The following XYLB variants were observed in gnomAD, a reference collection of about 807,000 sequenced individuals.
XYLB encodes the protein xylulokinase.
In XYLB, 62 loss-of-function variants were observed where a neutral mutation model predicts 78.7. The observed-to-expected ratio is 0.79, with a 90% CI of 0.64 to 0.97. The LOEUF is 0.97. Ranked by LOEUF, XYLB falls within the 50% of genes least tolerant of loss-of-function variation. The pLI is 0.00. For synonymous variants in XYLB, 245 were observed against 247.4 expected, an observed-to-expected ratio of 0.99 and a Z score of 0.09; for missense variants, 687 against 676.8, an observed-to-expected ratio of 1.02 and a Z score of -0.17.
downstream of XYLB, among the ~76,000 whole-genome samples, chr3:38,417,054 A>G (rs1708818956): frequency 6.6e-6 from 1 of 152,270 alleles, no homozygotes; most frequent in Non-Finnish European, 1.5e-5. Context: ...GACAAAAAAT[A>G]CATATAACGA....
chr3:38,378,939 A>T (rs1007286010), intron 14 of XYLB, among the ~76,000 whole-genome samples: 1 of 151,816 alleles, frequency 6.6e-6, no homozygotes, highest in Non-Finnish European at 1.5e-5. Flanking sequence ...AGCAAGACTA[A>T]TGTAACTTAT....
the XYLB span, among the ~76,000 whole-genome samples, chr3:38,447,594 C>T: frequency 6.6e-6 from 1 of 151,050 alleles, no homozygotes; most frequent in Non-Finnish European, 1.5e-5. Flanking sequence ...GCTGGGATTA[C>T]AGGCATGTGT....
chr3:38,400,863 C>G, intron 17 of XYLB, 28 bp from the exon 18 acceptor site: 4 of 1,598,562 alleles, frequency 2.5e-6, no homozygotes, highest in Non-Finnish European at 3.4e-6. Context: ...GCAACATGCA[C>G]TAATGTGAAG....
chr3:38,420,268 C>T (rs1424521203), exon 18 of XYLB, among the ~76,000 whole-genome samples: 1 of 152,196 alleles, frequency 6.6e-6, no homozygotes, highest in Non-Finnish European at 1.5e-5. Flanking sequence ...TTCTTCTCTT[C>T]AATCTGTAAG....
the XYLB span, among the ~76,000 whole-genome samples, chr3:38,432,003 G>A: frequency 1.2e-4 from 19 of 152,238 alleles, no homozygotes; most frequent in East Asian, 7.7e-4. Flanking sequence ...ACAGGCATTG[G>A]GTAAATATAA....
chr3:38,447,391 C>A, the XYLB span, among the ~76,000 whole-genome samples: 1 of 152,078 alleles, frequency 6.6e-6, no homozygotes, highest in African/African-American at 2.4e-5. Flanking sequence ...GGAGCCTTCA[C>A]CTCCTGGGCT....
intron 2 of XYLB, among the ~76,000 whole-genome samples, chr3:38,350,816 T>G (rs1705316175): frequency 6.6e-6 from 1 of 152,124 alleles, no homozygotes; most frequent in South Asian, 2.1e-4. Flanking sequence ...TTTAGTTCTC[T>G]TGAGACTTCT....
At chr3:38,353,096 CT>C (rs1705456342) in intron 2 of XYLB, among the ~76,000 whole-genome samples, 1 of 152,158 alleles carries the variant, frequency 6.6e-6, no homozygotes, top group African/African-American at 2.4e-5. Context: ...TCTTTTATTG[CT>C]TCTAGATTTT....
intron 15 of XYLB, among the ~76,000 whole-genome samples, chr3:38,389,323 A>G (rs1168067644): frequency 6.6e-6 from 1 of 150,918 alleles, no homozygotes; most frequent in Non-Finnish European, 1.5e-5. Context: ...GAACAAAATG[A>G]AAAGTCTCCC....
chr3:38,427,220 G>A, the XYLB span, among the ~76,000 whole-genome samples: 6 of 152,132 alleles, frequency 3.9e-5, no homozygotes, highest in Middle Eastern at 3.4e-3. Flanking sequence ...CTCTAGTGCC[G>A]CTTCGTTAGG....
At chr3:38,423,039 G>A (rs1416290889), downstream of XYLB, among the ~76,000 whole-genome samples, 3 of 152,076 alleles carry the variant, frequency 2.0e-5, no homozygotes, top group Admixed American at 6.6e-5. Flanking sequence ...TAGCTCTAAC[G>A]TTTCCCCCCT....
intron 18 of XYLB, among the ~76,000 whole-genome samples, chr3:38,405,385 A>C (rs1417243340): frequency 2.0e-5 from 3 of 151,114 alleles, no homozygotes; most frequent in Non-Finnish European, 4.4e-5. Context: ...AAAAAAAAAA[A>C]AAAAAAAAAG....
At chr3:38,374,069 C>A (rs899122978) in intron 10 of XYLB, among the ~76,000 whole-genome samples, 2 of 151,878 alleles carry the variant, frequency 1.3e-5, no homozygotes, top group African/African-American at 2.4e-5. Context: ...GTGTCTAAGG[C>A]AGGGCACAGA....
intron 18 of XYLB, among the ~76,000 whole-genome samples, chr3:38,406,291 C>T (rs1473097548): frequency 2.6e-5 from 4 of 152,204 alleles, no homozygotes; most frequent in East Asian, 1.9e-4. Context: ...TGGAGTGGAC[C>T]GCTAGCAAAC....
intron 17 of XYLB, 106 bp downstream of exon 17, chr3:38,397,265 T>C (rs1707912807): frequency 3.8e-6 from 4 of 1,060,414 alleles, no homozygotes; most frequent in Non-Finnish European, 4.4e-6. Flanking sequence ...TTTGGGGACA[T>C]TGGAGTCTTG....
At chr3:38,377,310 C>T (rs914911976) in intron 14 of XYLB, among the ~76,000 whole-genome samples, 1 of 152,122 alleles carries the variant, frequency 6.6e-6, no homozygotes, top group African/African-American at 2.4e-5. Context: ...ATCAAGAACC[C>T]ATGGATCTTG....
At chr3:38,411,386 G>T (rs7372478) in intron 18 of XYLB, among the ~76,000 whole-genome samples, 75,031 of 151,492 alleles carry the variant, frequency 0.5, 20,141 homozygotes, top group Non-Finnish European at 0.61. Context: ...GTTGTGGGGT[G>T]GGGGGAGAGG....
chr3:38,429,454 C>G, the XYLB span, among the ~76,000 whole-genome samples: 1 of 152,122 alleles, frequency 6.6e-6, no homozygotes, highest in Non-Finnish European at 1.5e-5. Context: ...ATACTACAGA[C>G]TGGGTGGCTT....
At chr3:38,395,464 G>A in intron 15 of XYLB, 41 bp from the exon 16 acceptor site, 1 of 1,606,362 alleles carries the variant, frequency 6.2e-7, no homozygotes. Flanking sequence ...TGCCTTGGGA[G>A]AACTGGCATA....
Sources: gnomAD v4.1 joint callset for allele counts (sites outside exome capture counted in the v4.1 genomes callset) on GRCh38, gnomAD v4.1.1 for gene constraint, MANE v1.5 for transcripts, NCBI Gene and HGNC (gene_info 2026-07-23, HGNC 2026-07-21) for gene names.